The following PKHD1 variants were observed in gnomAD, a reference collection of about 807,000 sequenced individuals.
PKHD1 encodes fibrocystin.
Under a neutral mutation model 412.0 loss-of-function variants are expected in PKHD1, and 291 were observed. The ratio of observed to expected loss-of-function variants is 0.71; its 90% CI spans 0.64 to 0.78. The LOEUF is 0.78. PKHD1 is among the 30% of genes least tolerant of loss of function. The probability of loss-of-function intolerance (pLI) is 0.00; values close to 1 mark genes in which losing one functional copy is unlikely to be tolerated. For synonymous variants in PKHD1, 1,777 were observed against 1,821.5 expected (o/e 0.98, Z 0.62); for missense variants, 4,825 against 4,950.7 (o/e 0.97, Z 0.76).
At chr6:51,625,542 T>G (rs1767118731) in intron 66 of PKHD1, among the ~76,000 whole-genome samples, 1 of 152,168 alleles carries the variant, frequency 6.6e-6, no homozygotes, top group Admixed American at 6.6e-5. Context: ...AAATGGCCTC[T>G]TTGATGCTCC....
chr6:51,753,761 A>G (rs764886784), intron 56 of PKHD1, among the ~76,000 whole-genome samples: 5 of 152,124 alleles, frequency 3.3e-5, no homozygotes, highest in Non-Finnish European at 7.4e-5. Flanking sequence ...TCCCACATCA[A>G]CTGAGGCAGT....
intron 60 of PKHD1, among the ~76,000 whole-genome samples, chr6:51,719,485 GC>G (rs1781655388): frequency 2.0e-5 from 3 of 152,094 alleles, no homozygotes; most frequent in Admixed American, 2.0e-4. Flanking sequence ...CCCACTACAT[GC>G]CAGTAGCACC....
chr6:51,661,324 A>G (rs751769327), intron 60 of PKHD1, among the ~76,000 whole-genome samples: 1 of 152,114 alleles, frequency 6.6e-6, no homozygotes, highest in Non-Finnish European at 1.5e-5. Flanking sequence ...ATCTCACAAT[A>G]TCATAGCTCC....
chr6:51,958,170 T>C (rs1459542811), intron 36 of PKHD1, among the ~76,000 whole-genome samples: 2 of 152,062 alleles, frequency 1.3e-5, no homozygotes, highest in Non-Finnish European at 2.9e-5. Context: ...CTGTATCTTA[T>C]TCGTGCAGAA....
intron 54 of PKHD1, among the ~76,000 whole-genome samples, chr6:51,774,885 T>C (rs1790742279): frequency 6.6e-6 from 1 of 151,870 alleles, no homozygotes; most frequent in Non-Finnish European, 1.5e-5. Flanking sequence ...CAATTTTCTT[T>C]AAAAATGTTC....
intron 34 of PKHD1, among the ~76,000 whole-genome samples, chr6:52,015,785 C>A (rs988522609): frequency 6.6e-5 from 10 of 151,680 alleles, no homozygotes; most frequent in African/African-American, 2.4e-4. Flanking sequence ...GATCTTGCCA[C>A]TGCACTCCAG....
intron 65 of PKHD1, 48 bp downstream of exon 65, chr6:51,632,517 C>A: frequency 6.6e-7 from 1 of 1,508,920 alleles, no homozygotes; most frequent in Non-Finnish European, 9.2e-7. Flanking sequence ...TGTATGATGA[C>A]TTTTTTTTCA....
chr6:52,085,326 G>A (rs537100693), intron 1 of PKHD1, among the ~76,000 whole-genome samples: 164 of 152,290 alleles, frequency 1.1e-3, no homozygotes, highest in Non-Finnish European at 1.9e-3. Context: ...ATTCTAGTTC[G>A]TGATAGGGTG....
At chr6:51,707,946 T>A (rs568961959) in intron 60 of PKHD1, among the ~76,000 whole-genome samples, 51 of 152,290 alleles carry the variant, frequency 3.3e-4, no homozygotes, top group African/African-American at 1.1e-3. Flanking sequence ...TCCTTCAACA[T>A]TGGGGGGCTC....
chr6:51,903,715 T>A lies in PKHD1; in HGVS notation c.6878A>T (p.His2293Leu). The change falls in exon 43 of 67, where the codon CAT becomes CTT. Residue 2293 changes from histidine (H) to leucine (L), a missense_variant. Transcript: ENST00000371117. ...IHGRKDDWSG[H>L]GNIIRNNVII... ...CACGTTGTTTCTTATTATATTTCCA[T>A]GTCCTGACCAGTCTAATGTTTCAAC... The A allele has an allele frequency of 6.2e-7, 1 of 1,611,042 alleles. No homozygotes were observed.
At chr6:51,856,136 A>G (rs550573417) in intron 48 of PKHD1, 66 bp from the exon 49 acceptor site, 2 of 931,730 alleles carry the variant, frequency 2.1e-6, no homozygotes, top group Non-Finnish European at 3.6e-6. Flanking sequence ...AATCCAATAC[A>G]TTCCTCTTTC....
chr6:51,947,243 C>T (rs1427016569), intron 36 of PKHD1, among the ~76,000 whole-genome samples: 1 of 152,208 alleles, frequency 6.6e-6, no homozygotes, highest in African/African-American at 2.4e-5. Context: ...CTAAAACTCC[C>T]TCTCCTCACT....
At chr6:51,713,478 G>T (rs1582229555) in intron 60 of PKHD1, among the ~76,000 whole-genome samples, 1 of 152,204 alleles carries the variant, frequency 6.6e-6, no homozygotes, top group East Asian at 1.9e-4. Flanking sequence ...TGAGCATAGG[G>T]CCTGGAGTTG....
At chr6:51,669,345 T>C (rs1263791681) in intron 60 of PKHD1, among the ~76,000 whole-genome samples, 1 of 152,198 alleles carries the variant, frequency 6.6e-6, no homozygotes, top group Non-Finnish European at 1.5e-5. Flanking sequence ...GAGTTGTTTG[T>C]AGTATTCTCT....
rs779469071 is a variant in PKHD1, at chr6:51,959,917, A to G, written c.5861T>C (p.Leu1954Pro). 1 of 1,613,566 alleles carries G rather than the reference A, an allele frequency of 6.2e-7. No homozygotes were observed. The highest frequency in any genetic ancestry group is 1.7e-5 in the Admixed American group (1 of 59,988). ...GATGCTTGTGTTAGTGTCCAGCAGA[A>G]GCAATTGGCCATTCTCCACTGTGAC... ...DNVTVENGQL[L>P]LLDTNTSILN... Residue 1954 changes from leucine (L) to proline (P), a missense_variant, in exon 36 of 67, where the codon CTT becomes CCT. Transcript: ENST00000371117.
intron 52 of PKHD1, among the ~76,000 whole-genome samples, chr6:51,827,093 T>C (rs1010334872): frequency 2.0e-5 from 3 of 152,204 alleles, no homozygotes; most frequent in Admixed American, 6.6e-5. Context: ...GTCACTTTCA[T>C]TTTGTAAAAT....
chr6:51,969,378 C>T (rs1793314299), intron 35 of PKHD1, among the ~76,000 whole-genome samples: 1 of 152,166 alleles, frequency 6.6e-6, no homozygotes, highest in Non-Finnish European at 1.5e-5. Context: ...GAGCAGAGAA[C>T]CCATCTACTC....
At chr6:51,671,637 T>C (rs1172184072) in intron 60 of PKHD1, among the ~76,000 whole-genome samples, 1 of 152,136 alleles carries the variant, frequency 6.6e-6, no homozygotes, top group Non-Finnish European at 1.5e-5. Flanking sequence ...CTTTTTAGAG[T>C]TTCCAGTTTC....
chr6:51,897,318 G>T (rs1308493080), intron 43 of PKHD1, among the ~76,000 whole-genome samples: 2 of 151,914 alleles, frequency 1.3e-5, no homozygotes, highest in Admixed American at 1.3e-4. Flanking sequence ...GGATCTCTTG[G>T]CAGAAACCCT....
Sources: allele counts gnomAD v4.1 joint callset (sites outside exome capture counted in the v4.1 genomes callset), GRCh38; gene constraint gnomAD v4.1.1; transcripts MANE v1.5; gene names NCBI Gene and HGNC (gene_info 2026-07-23, HGNC 2026-07-21).